The following IDE variants were observed in gnomAD, a reference collection of about 807,000 sequenced individuals.
IDE encodes the protein insulin-degrading enzyme.
In IDE, 58 loss-of-function variants were observed where a neutral mutation model predicts 133.2. That is an observed-to-expected ratio of 0.44 (90% confidence interval 0.35 to 0.54). The LOEUF (loss-of-function observed/expected upper bound fraction) is 0.54. IDE is among the 20% of genes least tolerant of loss of function. IDE has a pLI of 0.00. For synonymous variants in IDE, 396 were observed against 421.3 expected (o/e 0.94, Z 0.73); for missense variants, 981 against 1,234.0 (o/e 0.79, Z 3.07).
chr10:92,563,094 T>C lies in IDE; in HGVS notation c.98+10828A>G, dbSNP rs1196775366. Among the ~76,000 whole-genome samples, 18 of 152,034 alleles carry C rather than the reference T, an allele frequency of 1.2e-4. No individual in the cohort carries two copies. In the East Asian group the frequency reaches 3.3e-3, roughly 28 times the overall value. ...GGTGAAACCACGTCTCTACTAAAAGTACAAAAATTAGCCGGGCGTGGTGGC... is the reference window on the plus strand; with the variant it reads ...GGTGAAACCACGTCTCTACTAAAAGCACAAAAATTAGCCGGGCGTGGTGGC... On this transcript the variant is annotated intron_variant, in intron 1 of 24. Transcript: ENST00000265986.
At chr10:92,527,518 A>G (rs908067088) in intron 4 of IDE, among the ~76,000 whole-genome samples, 1 of 152,156 alleles carries the variant, frequency 6.6e-6, no homozygotes, top group Non-Finnish European at 1.5e-5. Context: ...GAATTTAGAG[A>G]AATTTGGGGC....
At chr10:92,465,618 A>G (rs1013145938) in intron 20 of IDE, 58 bp downstream of exon 20, 72 of 1,449,742 alleles carry the variant, frequency 5.0e-5, no homozygotes, top group Non-Finnish European at 6.7e-5. Context: ...AATGTTTTAC[A>G]GGGAAAATAA....
chr10:92,532,212 T>C (rs1283191259), intron 3 of IDE, among the ~76,000 whole-genome samples: 1 of 150,844 alleles, frequency 6.6e-6, no homozygotes, highest in Non-Finnish European at 1.5e-5. Context: ...GCAGTCTATT[T>C]AAGATTTTTA....
At chr10:92,471,793 G>C (rs71480820) in intron 17 of IDE, among the ~76,000 whole-genome samples, 5 of 152,114 alleles carry the variant, frequency 3.3e-5, no homozygotes, top group Middle Eastern at 3.2e-3. Flanking sequence ...CCGCCTCCTG[G>C]GTTCAAGCGA....
chr10:92,537,785 A>G (rs1011197467), intron 1 of IDE, among the ~76,000 whole-genome samples: 2 of 152,164 alleles, frequency 1.3e-5, no homozygotes, highest in African/African-American at 4.8e-5. Flanking sequence ...GAAAGAGCAC[A>G]TGGATAGGGA....
rs138310071 is a variant in IDE, at chr10:92,538,760, T to C, written c.99-1210A>G. ...GGGTAGATGTAACTTTTGTCTATAC[T>C]GGAGATTGCTTAATAGACAAAAAAA... On this transcript the variant is annotated intron_variant, in intron 1 of 24. Transcript: ENST00000265986. 5.8e-3 allele frequency among the ~76,000 whole-genome samples: 784 copies of C among 134,856 alleles called. 14 individuals are homozygous for C. Among genetic ancestry groups the C allele is most frequent in the African/African-American group, 0.02 (744 of 36,972 alleles). The allele number at this position is 134,856 out of a possible 152,430, so 88.5% of individuals were successfully genotyped here. A position where few individuals can be genotyped will look rare whatever the true frequency, so the allele number is the denominator to read the frequency against.
chr10:92,570,334 T>A (rs1300820130), intron 1 of IDE, among the ~76,000 whole-genome samples: 1 of 152,214 alleles, frequency 6.6e-6, no homozygotes, highest in Non-Finnish European at 1.5e-5. Context: ...TGAAAGCTCC[T>A]TGAGGACAAG....
At chr10:92,552,771 T>C (rs1002318799) in intron 1 of IDE, among the ~76,000 whole-genome samples, 6 of 143,686 alleles carry the variant, frequency 4.2e-5, no homozygotes, top group East Asian at 4.5e-4. Flanking sequence ...GGCAGGAGAA[T>C]TGCTTGAACC....
chr10:92,484,652 G>A (rs534459100), intron 13 of IDE, among the ~76,000 whole-genome samples: 2 of 152,050 alleles, frequency 1.3e-5, no homozygotes, highest in Admixed American at 1.3e-4. Context: ...AGAATAGCTT[G>A]AACCTGGGAG....
At chr10:92,555,025 T>C (rs1000231721) in intron 1 of IDE, 2 of 152,184 alleles carry the variant, frequency 1.3e-5, no homozygotes, top group Non-Finnish European at 2.9e-5. Context: ...AATACCTCCA[T>C]TGTGTACTTC....
At chr10:92,524,544 T>TTA (rs1312169050) in intron 4 of IDE, among the ~76,000 whole-genome samples, 1 of 105,724 alleles carries the variant, frequency 9.5e-6, no homozygotes, top group Non-Finnish European at 1.8e-5. Context: ...ATATTTTATA[T>TTA]TATATATATA....
intron 16 of IDE, 105 bp from the exon 17 acceptor site, chr10:92,475,066 G>A (rs1360446449): frequency 1.3e-6 from 1 of 790,878 alleles, no homozygotes; most frequent in South Asian, 1.9e-5. Flanking sequence ...GTATTACTAG[G>A]ATATTCCCTT....
chr10:92,543,186 T>C (rs937629481), intron 1 of IDE, among the ~76,000 whole-genome samples: 9 of 151,882 alleles, frequency 5.9e-5, no homozygotes, highest in African/African-American at 1.7e-4. Flanking sequence ...CCCAAAACCA[T>C]AGGTGGAAGT....
chr10:92,456,999 T>C (rs1260530880), intron 22 of IDE, among the ~76,000 whole-genome samples: 3 of 152,030 alleles, frequency 2.0e-5, no homozygotes, highest in African/African-American at 7.2e-5. Context: ...TTTCTTACTC[T>C]AAGGAAAGAA....
intron 7 of IDE, 122 bp downstream of exon 7, chr10:92,508,606 C>T: frequency 1.3e-6 from 1 of 753,314 alleles, no homozygotes; most frequent in East Asian, 2.6e-5. Context: ...CACCATCTCA[C>T]TCACTAACCC....
chr10:92,535,588 A>G, intron 2 of IDE, among the ~76,000 whole-genome samples: 1 of 152,222 alleles, frequency 6.6e-6, no homozygotes, highest in Non-Finnish European at 1.5e-5. Flanking sequence ...ATTAGATGAC[A>G]TATGCAAATC....
At chr10:92,556,247 G>C (rs61861406) in intron 1 of IDE, among the ~76,000 whole-genome samples, 24,643 of 150,178 alleles carry the variant, frequency 0.16, 2,384 homozygotes, top group Non-Finnish European at 0.21. Context: ...ACATGATCTT[G>C]AATATAAAAA....
At chr10:92,491,715 A>G (rs1041315325) in intron 11 of IDE, among the ~76,000 whole-genome samples, 3 of 151,922 alleles carry the variant, frequency 2.0e-5, no homozygotes, top group African/African-American at 7.3e-5. Context: ...GGTTCAAGCA[A>G]TTCTCCGGCC....
chr10:92,485,144 T>G (rs868226048), intron 13 of IDE, among the ~76,000 whole-genome samples: 20 of 111,420 alleles, frequency 1.8e-4, no homozygotes, highest in Non-Finnish European at 3.1e-4. Flanking sequence ...TTTTTTTTTT[T>G]GTGACAGAGT....
Sources: gnomAD v4.1 joint callset for allele counts (sites outside exome capture counted in the v4.1 genomes callset) on GRCh38, gnomAD v4.1.1 for gene constraint, MANE v1.5 for transcripts, NCBI Gene and HGNC (gene_info 2026-07-23, HGNC 2026-07-21) for gene names.